RYR3: variants seen among roughly 807,000 people sequenced by gnomAD.
RYR3 encodes ryanodine receptor 3.
RYR3 carries 207 observed loss-of-function variants against 584.3 expected under a neutral mutation model. The observed-to-expected ratio is 0.35, with a 90% CI of 0.32 to 0.40. The LOEUF (loss-of-function observed/expected upper bound fraction) is 0.40. RYR3 is among the 10% of genes least tolerant of loss of function. RYR3 has a pLI of 1.00. For missense variants in RYR3, 5,616 were observed against 6,089.2 expected (o/e 0.92, Z 2.59); for synonymous variants, 2,416 against 2,248.5 (o/e 1.07, Z -2.11).
In RYR3 at chr15:33,722,820, C is replaced by T; in HGVS notation, c.6725C>T (p.Ala2242Val). The T allele has an allele frequency of 6.2e-7, 1 of 1,613,070 alleles. No homozygotes were observed. The highest frequency in any genetic ancestry group is 1.3e-5 in the African/African-American group (1 of 74,988). Residue 2242 changes from alanine to valine, a missense_variant, in exon 44 of 104, where the codon GCA becomes GTA. Transcript: ENST00000634891. ...LRGEGGNGLL[A>V]AMQGAIKISE... Reference sequence around the variant, plus strand: ...GGTGAGGGGGGAAACGGGCTCTTGGCAGCCATGCAGGGTGCCATTAAGATC... The same window carrying T: ...GGTGAGGGGGGAAACGGGCTCTTGGTAGCCATGCAGGGTGCCATTAAGATC...
At chr15:33,815,512 T>C (rs924147041) in intron 74 of RYR3, 1 of 197,706 alleles carries the variant, frequency 5.1e-6, no homozygotes, top group African/African-American at 2.3e-5. Context: ...CATCCTTACA[T>C]ATCTGGGCTG....
chr15:33,659,053 G>A (rs552191065), intron 32 of RYR3, among the ~76,000 whole-genome samples: 2 of 152,316 alleles, frequency 1.3e-5, no homozygotes, highest in Admixed American at 6.5e-5. Flanking sequence ...CAGAACATTT[G>A]GCAATGTTGG....
chr15:33,591,400 C>T (rs945816556), intron 16 of RYR3, among the ~76,000 whole-genome samples: 5 of 152,090 alleles, frequency 3.3e-5, no homozygotes, highest in African/African-American at 9.7e-5. Flanking sequence ...ATCCTCATAG[C>T]GCCAAGCTAA....
At chr15:33,657,662 A>G (rs986604864) in intron 32 of RYR3, among the ~76,000 whole-genome samples, 3 of 152,254 alleles carry the variant, frequency 2.0e-5, no homozygotes, top group Non-Finnish European at 4.4e-5. Context: ...ATCTGTTGAA[A>G]GTCATTTACA....
At chr15:33,511,578 C>A (rs1414846960) in intron 3 of RYR3, among the ~76,000 whole-genome samples, 1 of 150,440 alleles carries the variant, frequency 6.6e-6, no homozygotes, top group Non-Finnish European at 1.5e-5. Flanking sequence ...GTGTTCAGGG[C>A]AGTTTCCATT....
At chr15:33,781,385 A>G (rs566746000) in intron 65 of RYR3, among the ~76,000 whole-genome samples, 9 of 152,316 alleles carry the variant, frequency 5.9e-5, no homozygotes, top group African/African-American at 2.2e-4. Context: ...TTCAGAACCA[A>G]TGTTTTCTTA....
chr15:33,377,956 T>C (rs957086980), intron 1 of RYR3, among the ~76,000 whole-genome samples: 1 of 152,008 alleles, frequency 6.6e-6, no homozygotes, highest in Non-Finnish European at 1.5e-5. Flanking sequence ...AATTTTTGTA[T>C]TTTTTTGTAG....
chr15:33,725,119 T>G (rs1380754821), intron 45 of RYR3, among the ~76,000 whole-genome samples: 3 of 149,720 alleles, frequency 2.0e-5, no homozygotes, highest in Non-Finnish European at 4.4e-5. Context: ...GGTGCCCCAT[T>G]CTTCCTTCCT....
Position 33,725,966 on chromosome 15 carries a change from T to TCCC in RYR3, c.6913-412_6913-410dup, listed in dbSNP as rs10645234. ...GCCTGGGTGACAGAGCAAGACTCCA[T>TCCC]CCCCCCCCCCAAAAAAAAAAAAAAA... On this transcript the variant is annotated intron_variant, in intron 45 of 103. Coordinates refer to ENST00000634891, the MANE Select transcript of RYR3 (RefSeq NM_001036.6). Among the ~76,000 whole-genome samples, 75 of 15,728 alleles carry TCCC rather than the reference T, an allele frequency of 4.8e-3. 14 individuals carry two copies. Among genetic ancestry groups the TCCC allele is most frequent in the East Asian group, 0.045 (6 of 132 alleles). 10.3% of individuals were successfully genotyped at this position (15,728 alleles called of 152,430 possible). A position where few individuals can be genotyped will look rare whatever the true frequency, so the allele number is the denominator to read the frequency against.
intron 55 of RYR3, 27 bp from the exon 56 acceptor site, chr15:33,749,952 G>C: frequency 6.2e-7 from 1 of 1,602,962 alleles, no homozygotes; most frequent in Non-Finnish European, 8.5e-7. Context: ...CTTTCTTTTT[G>C]ACTTGGCTCT....
At chr15:33,402,446 A>G (rs1259596657) in intron 1 of RYR3, among the ~76,000 whole-genome samples, 1 of 152,244 alleles carries the variant, frequency 6.6e-6, no homozygotes, top group Non-Finnish European at 1.5e-5. Context: ...TGTATCAAAT[A>G]TGGGAAAAGC....
chr15:33,701,927 G>C (rs1330964737), intron 42 of RYR3, among the ~76,000 whole-genome samples: 1 of 152,196 alleles, frequency 6.6e-6, no homozygotes, highest in East Asian at 1.9e-4. Context: ...TGGGGGATGT[G>C]GTGAGAATGC....
At chr15:33,686,190 TAAGAA>T (rs1209838854) in intron 38 of RYR3, among the ~76,000 whole-genome samples, 1 of 151,456 alleles carries the variant, frequency 6.6e-6, no homozygotes, top group Non-Finnish European at 1.5e-5. Context: ...GCAAGATTAA[TAAGAA>T]AAGAGAGAAG....
chr15:33,398,451 G>A (rs998683053), intron 1 of RYR3, among the ~76,000 whole-genome samples: 18 of 152,114 alleles, frequency 1.2e-4, no homozygotes, highest in African/African-American at 4.3e-4. Context: ...AGAAATAGGA[G>A]GTCTGAGACA....
At chr15:33,812,113 A>G (rs1271608278) in intron 72 of RYR3, among the ~76,000 whole-genome samples, 1 of 152,192 alleles carries the variant, frequency 6.6e-6, no homozygotes, top group African/African-American at 2.4e-5. Flanking sequence ...ACTATGCATA[A>G]ATACAGAGCA....
intron 63 of RYR3, among the ~76,000 whole-genome samples, chr15:33,772,416 T>C (rs989934944): frequency 2.6e-5 from 4 of 152,238 alleles, no homozygotes; most frequent in Non-Finnish European, 4.4e-5. Context: ...CCCATCTGCC[T>C]GTCTAGCTCT....
At chr15:33,379,121 AAGAC>A (rs1245386617) in intron 1 of RYR3, among the ~76,000 whole-genome samples, 2 of 152,326 alleles carry the variant, frequency 1.3e-5, no homozygotes, top group Non-Finnish European at 2.9e-5. Flanking sequence ...AAATGGATAA[AAGAC>A]AGAAAATTCT....
intron 1 of RYR3, among the ~76,000 whole-genome samples, chr15:33,446,464 C>T (rs925173411): frequency 1.2e-4 from 18 of 152,152 alleles, no homozygotes; most frequent in Non-Finnish European, 1.5e-4. Context: ...GCTGGAAGCC[C>T]GAGATCAAGG....
intron 1 of RYR3, chr15:33,465,770 A>G (rs371212650): frequency 3.9e-6 from 2 of 518,940 alleles, no homozygotes; most frequent in African/African-American, 1.9e-5. Context: ...AGGATGCAAG[A>G]TGGTACAATC....
Sources: gnomAD v4.1 joint callset for allele counts (sites outside exome capture counted in the v4.1 genomes callset) on GRCh38, gnomAD v4.1.1 for gene constraint, MANE v1.5 for transcripts, NCBI Gene and HGNC (gene_info 2026-07-23, HGNC 2026-07-21) for gene names.